Variants in AVL9 observed in about 807,000 individuals in gnomAD.
AVL9 encodes late secretory pathway protein AVL9 homolog.
AVL9 carries 49 observed loss-of-function variants against 79.2 expected under a neutral mutation model. The ratio of observed to expected loss-of-function variants is 0.62; its 90% CI spans 0.49 to 0.79. The LOEUF is 0.79. Among genes scored for constraint, AVL9 ranks in the 30% least tolerant of loss-of-function variants. The pLI, the probability that AVL9 is intolerant of heterozygous loss-of-function variation, is 0.00. For missense variants in AVL9, 682 were observed against 776.8 expected (o/e 0.88, Z 1.45); for synonymous variants, 299 against 280.6 (o/e 1.07, Z -0.65).
intron 10 of AVL9, chr7:32,562,688 G>C (rs1317460047): frequency 1.2e-6 from 1 of 854,580 alleles, no homozygotes; most frequent in Non-Finnish European, 1.4e-6. Context: ...GGGAGGCCGA[G>C]GTGGGGAGGA....
intron 1 of AVL9, among the ~76,000 whole-genome samples, chr7:32,527,331 C>T (rs1562766204): frequency 6.6e-6 from 1 of 152,080 alleles, no homozygotes; most frequent in African/African-American, 2.4e-5. Context: ...AGATAACTTG[C>T]GACAAAGCCT....
At chr7:32,506,839 G>C (rs1787436982) in intron 1 of AVL9, among the ~76,000 whole-genome samples, 1 of 151,784 alleles carries the variant, frequency 6.6e-6, no homozygotes, top group Admixed American at 6.6e-5. Context: ...GAAAACAGAA[G>C]AGGAGGGAAC....
rs530793952 is a variant in AVL9 at position 32,579,362 on chromosome 7, CAT to C, written c.1689-851_1689-850del. 6.4e-3 allele frequency among the ~76,000 whole-genome samples: 375 copies of C among 58,336 alleles called. 20 individuals are homozygous for C. Among genetic ancestry groups the C allele is most frequent in the African/African-American group, 0.027 (359 of 13,290 alleles). 38.3% of individuals were successfully genotyped at this position (58,336 alleles called of 152,430 possible). On this transcript the variant is annotated intron_variant, in intron 13 of 15. Coordinates refer to ENST00000318709, the MANE Select transcript of AVL9 (RefSeq NM_015060.3). ...AACACATATTTTATATAATATATAACATATATAATATATGTTATATAACATAT... is the reference window on the plus strand; with the variant it reads ...AACACATATTTTATATAATATATAACATATAATATATGTTATATAACATAT...
intron 1 of AVL9, chr7:32,538,809 C>G (rs1276104019): frequency 6.6e-6 from 1 of 152,108 alleles, no homozygotes; most frequent in African/African-American, 2.4e-5. Context: ...GTTCTTGGCT[C>G]TCATGCAGGA....
chr7:32,586,779 A>AGAG lies in AVL9; in HGVS notation c.*2873_*2875dup, dbSNP rs1491401307. The AGAG allele has an allele frequency of 6.6e-6, 1 of 152,254 alleles. No homozygotes were observed. The highest frequency in any genetic ancestry group is 2.4e-5 in the African/African-American group (1 of 41,468). The allele number at this position is 152,254 out of a possible 1,614,324, so 9.4% of individuals were successfully genotyped here. On this transcript the variant is annotated 3_prime_UTR_variant, in exon 16 of 16. Transcript: ENST00000318709. ...TTCACCACTATCCAGGTGACTTAAA[A>AGAG]GAGTGTTTGGAAAATGTCCCTGGTA...
intron 1 of AVL9, among the ~76,000 whole-genome samples, chr7:32,510,521 G>C (rs1787620315): frequency 6.9e-6 from 1 of 145,890 alleles, no homozygotes; most frequent in African/African-American, 2.5e-5. Context: ...CCACAGTCCT[G>C]GCACTTCTGA....
At chr7:32,515,645 C>T (rs980013178) in intron 1 of AVL9, among the ~76,000 whole-genome samples, 3 of 152,160 alleles carry the variant, frequency 2.0e-5, no homozygotes, top group Admixed American at 2.0e-4. Context: ...GAGACCCATT[C>T]CTAGGTAAGT....
chr7:32,556,893 G>A (rs1020257363), intron 8 of AVL9, among the ~76,000 whole-genome samples: 2 of 152,062 alleles, frequency 1.3e-5, no homozygotes, highest in African/African-American at 4.8e-5. Context: ...AGCTTCCTGA[G>A]TAGCTGGGAC....
chr7:32,575,836 C>T (rs1791069705), intron 12 of AVL9, 119 bp from the exon 13 acceptor site: 1 of 679,376 alleles, frequency 1.5e-6, no homozygotes. Context: ...TAGGCTATCT[C>T]CCCACAAATA....
chr7:32,547,518 T>G (rs1013036736), intron 3 of AVL9, among the ~76,000 whole-genome samples: 1 of 152,218 alleles, frequency 6.6e-6, no homozygotes, highest in African/African-American at 2.4e-5. Flanking sequence ...TTCTACCAAG[T>G]GGGTCTTATC....
chr7:32,558,641 C>A lies in AVL9; in HGVS notation c.679+13C>A. The A allele has an allele frequency of 6.3e-7, 1 of 1,588,190 alleles. No homozygotes were observed. The highest frequency in any genetic ancestry group is 8.6e-7 in the Non-Finnish European group (1 of 1,161,732). ...TCCCTTTTTCCAGGTAAGAAAACAG[C>A]AGTATCTACTCTTTCTTTTGTTTAA... On this transcript the variant is annotated intron_variant, in intron 9 of 15. Coordinates refer to ENST00000318709, the MANE Select transcript of AVL9 (RefSeq NM_015060.3).
intron 1 of AVL9, among the ~76,000 whole-genome samples, chr7:32,496,971 G>A (rs1022672216): frequency 3.9e-5 from 6 of 152,164 alleles, no homozygotes; most frequent in Non-Finnish European, 5.9e-5. Context: ...ATGTGATAGC[G>A]CACTTGTAGT....
chr7:32,564,579 G>A (rs544054912), intron 10 of AVL9, among the ~76,000 whole-genome samples: 4 of 152,240 alleles, frequency 2.6e-5, no homozygotes, highest in South Asian at 2.1e-4. Context: ...AATTATTTCC[G>A]GAAGAAAGTC....
At chr7:32,579,311 TTATA>T (rs1366570313) in intron 13 of AVL9, among the ~76,000 whole-genome samples, 1 of 79,114 alleles carries the variant, frequency 1.3e-5, no homozygotes, top group African/African-American at 4.6e-5. Flanking sequence ...ATATTATATA[TTATA>T]TATATTTTAT....
chr7:32,505,702 G>A (rs187270893), intron 1 of AVL9, among the ~76,000 whole-genome samples: 28 of 152,134 alleles, frequency 1.8e-4, no homozygotes, highest in Admixed American at 1.5e-3. Context: ...CTCCACTTGC[G>A]TTCTTTAATT....
Position 32,567,310 on chromosome 7 carries a change from C to T in AVL9, c.1216-2710C>T, listed in dbSNP as rs187898662. Among the ~76,000 whole-genome samples the T allele has an allele frequency of 3.0e-3, 458 of 152,272 alleles. 5 individuals carry two copies. Among genetic ancestry groups the T allele is most frequent in the African/African-American group, 0.011 (442 of 41,564 alleles). Reference sequence around the variant, plus strand: ...AGAAATGGAGTTTCACCGTGTTGCTCAGGCTGGTCTCAAACTTCTGAGCTC... The same window carrying T: ...AGAAATGGAGTTTCACCGTGTTGCTTAGGCTGGTCTCAAACTTCTGAGCTC... On this transcript the variant is annotated intron_variant, in intron 10 of 15. Coordinates refer to ENST00000318709, the MANE Select transcript of AVL9 (RefSeq NM_015060.3).
intron 1 of AVL9, among the ~76,000 whole-genome samples, chr7:32,517,990 C>T (rs945246673): frequency 6.6e-6 from 1 of 152,062 alleles, no homozygotes; most frequent in Non-Finnish European, 1.5e-5. Context: ...GCCACCATGC[C>T]TGGCTAATTT....
rs1407110658 is a variant in AVL9, at chr7:32,568,926, G to T, written c.1216-1094G>T. Among the ~76,000 whole-genome samples the T allele has an allele frequency of 4.6e-5, 7 of 152,130 alleles. No individual in the cohort carries two copies. In the East Asian group the frequency reaches 1.3e-3, roughly 29 times the overall value. On this transcript the variant is annotated intron_variant, in intron 10 of 15. Transcript: ENST00000318709. ...GTTAGGGTCTGATCAAGCAACAAAA[G>T]ACATTTTCAAGAGTAAGAATATAAC...
intron 1 of AVL9, among the ~76,000 whole-genome samples, chr7:32,524,502 G>A (rs1049823678): frequency 1.5e-4 from 22 of 150,246 alleles, no homozygotes; most frequent in African/African-American, 4.9e-4. Flanking sequence ...GCGGCTGAGC[G>A]AGACTCCATC....
Sources: allele counts gnomAD v4.1 joint callset (sites outside exome capture counted in the v4.1 genomes callset), GRCh38; gene constraint gnomAD v4.1.1; transcripts MANE v1.5; gene names NCBI Gene and HGNC (gene_info 2026-07-23, HGNC 2026-07-21).